AP3B1: variants seen among roughly 807,000 people sequenced by gnomAD.
AP3B1 encodes adaptor related protein complex 3 subunit beta 1.
AP3B1 carries 61 observed loss-of-function variants against 132.5 expected under a neutral mutation model. That is an observed-to-expected ratio of 0.46 (90% CI 0.37 to 0.57). The LOEUF (loss-of-function observed/expected upper bound fraction) is 0.57, where lower values mean the gene tolerates loss of function less well. Among genes scored for constraint, AP3B1 ranks in the 20% least tolerant of loss-of-function variants. The pLI is 0.00. For missense variants in AP3B1, 1,120 were observed against 1,289.4 expected (o/e 0.87, Z 2.01); for synonymous variants, 388 against 438.3 (o/e 0.89, Z 1.43).
chr5:78,282,222 A>AG (rs1447515620), intron 1 of AP3B1, among the ~76,000 whole-genome samples: 2 of 152,142 alleles, frequency 1.3e-5, no homozygotes, highest in Non-Finnish European at 2.9e-5. Flanking sequence ...ATTCCACACC[A>AG]GCAGCTGGCA....
chr5:78,226,303 A>C (rs1376051918), intron 5 of AP3B1, among the ~76,000 whole-genome samples: 1 of 152,116 alleles, frequency 6.6e-6, no homozygotes. Flanking sequence ...GGCAGTTAAC[A>C]TAGGAATATG....
intron 12 of AP3B1, among the ~76,000 whole-genome samples, chr5:78,163,737 A>G (rs1743495811): frequency 1.3e-5 from 2 of 151,440 alleles, no homozygotes; most frequent in South Asian, 4.2e-4. Flanking sequence ...AAGTTAAAAT[A>G]TCTTTATAAA....
At chr5:78,110,096 A>G in intron 20 of AP3B1, 111 bp downstream of exon 20, 1 of 988,678 alleles carries the variant, frequency 1.0e-6, no homozygotes, top group Non-Finnish European at 1.5e-6. Context: ...TTATAAGGGA[A>G]AGGCTTATCT....
intron 12 of AP3B1, 110 bp downstream of exon 12, chr5:78,165,500 C>G (rs917889424): frequency 1.3e-5 from 10 of 774,058 alleles, no homozygotes; most frequent in Non-Finnish European, 2.0e-5. Flanking sequence ...CAGTCTTGTC[C>G]CAATCACTAT....
At chr5:78,057,095 T>C (rs991048031) in intron 22 of AP3B1, among the ~76,000 whole-genome samples, 1 of 152,182 alleles carries the variant, frequency 6.6e-6, no homozygotes, top group African/African-American at 2.4e-5. Context: ...CCTTAGGAGT[T>C]TACTGAAAAA....
At chr5:78,018,079 C>T (rs958825070) in intron 25 of AP3B1, among the ~76,000 whole-genome samples, 3 of 151,774 alleles carry the variant, frequency 2.0e-5, no homozygotes, top group Non-Finnish European at 2.9e-5. Flanking sequence ...GGAGTTATCT[C>T]GGAACACGTA....
intron 15 of AP3B1, among the ~76,000 whole-genome samples, chr5:78,139,102 G>A (rs1753040136): frequency 6.8e-6 from 1 of 146,118 alleles, no homozygotes; most frequent in Non-Finnish European, 1.5e-5. Flanking sequence ...AAAAAGACAT[G>A]AAACATGCTC....
chr5:78,165,411 T>C (rs929554747), intron 12 of AP3B1, among the ~76,000 whole-genome samples, 199 bp downstream of exon 12: 5 of 152,242 alleles, frequency 3.3e-5, no homozygotes, highest in African/African-American at 4.8e-5. Context: ...TATGAAAATA[T>C]GAAAGAGAAT....
At chr5:78,085,320 T>A (rs1750192180) in intron 22 of AP3B1, among the ~76,000 whole-genome samples, 1 of 152,212 alleles carries the variant, frequency 6.6e-6, no homozygotes, top group African/African-American at 2.4e-5. Context: ...CTGAACCTTT[T>A]TCGCATATTA....
At chr5:78,031,367 G>A (rs865871280) in intron 24 of AP3B1, among the ~76,000 whole-genome samples, 2 of 152,150 alleles carry the variant, frequency 1.3e-5, no homozygotes, top group Non-Finnish European at 2.9e-5. Context: ...GCTTTACCCT[G>A]GTGGTGAGGA....
chr5:78,194,969 T>C (rs1280105922), intron 7 of AP3B1, among the ~76,000 whole-genome samples: 1 of 152,094 alleles, frequency 6.6e-6, no homozygotes, highest in East Asian at 1.9e-4. Flanking sequence ...GTTTTATTTT[T>C]CCATGTTTAA....
At chr5:78,275,837 G>A (rs1406308653) in intron 1 of AP3B1, among the ~76,000 whole-genome samples, 2 of 152,032 alleles carry the variant, frequency 1.3e-5, no homozygotes, top group African/African-American at 4.8e-5. Flanking sequence ...ATTCAATAAA[G>A]GTGTAAAAAA....
chr5:78,217,719 T>C (rs948829215), intron 6 of AP3B1, among the ~76,000 whole-genome samples: 2 of 152,044 alleles, frequency 1.3e-5, no homozygotes, highest in African/African-American at 2.4e-5. Flanking sequence ...TTGTGAGATA[T>C]AAACATCTAT....
intron 7 of AP3B1, among the ~76,000 whole-genome samples, chr5:78,207,257 C>CA (rs35228759): frequency 0.15 from 17,206 of 115,902 alleles, 1,241 homozygotes; most frequent in African/African-American, 0.17. Context: ...GACTCAGTGT[C>CA]AAAAAAAAAA....
At chr5:78,126,361 C>T (rs1388687151) in intron 17 of AP3B1, among the ~76,000 whole-genome samples, 1 of 151,648 alleles carries the variant, frequency 6.6e-6, no homozygotes, top group African/African-American at 2.4e-5. Context: ...AAAAATTAGC[C>T]AAGCATGGTG....
Position 78,039,075 on chromosome 5 carries a change from A to G in AP3B1, c.2777T>C (p.Ile926Thr), listed in dbSNP as rs770332717. 21 of 1,606,896 alleles carry G rather than the reference A, an allele frequency of 1.3e-5. No individual in the cohort carries two copies. The highest frequency in any genetic ancestry group is 1.4e-5 in the Non-Finnish European group (17 of 1,174,192). ...NIHIGEKKLP[I>T]GMKMHVFNPI... ...ATTAAAAACATGCATTTTCATGCCT[A>G]TAGGAAGTTTTTTTTCCCCTATGTG... Residue 926 changes from isoleucine (I) to threonine (T), a missense_variant, in exon 23 of 27, where the codon ATA becomes ACA. By Grantham distance (89) the Ile-to-Thr change is moderately conservative. This residue lies in a region of AP3B1 where 906 missense variants were observed against 997.1 expected (regional missense o/e 0.91). Transcript: ENST00000255194.
chr5:78,064,700 G>T (rs1229946591), intron 22 of AP3B1, among the ~76,000 whole-genome samples: 2 of 152,156 alleles, frequency 1.3e-5, no homozygotes, highest in African/African-American at 4.8e-5. Flanking sequence ...TTTTTAGAGA[G>T]AGCATTTAAG....
chr5:78,171,205 T>A (rs1743899698), intron 11 of AP3B1, among the ~76,000 whole-genome samples: 1 of 152,226 alleles, frequency 6.6e-6, no homozygotes, highest in East Asian at 1.9e-4. Flanking sequence ...TAGGATTGTC[T>A]TGGCAATGTG....
At chr5:78,038,106 C>T (rs1747879699) in intron 23 of AP3B1, among the ~76,000 whole-genome samples, 2 of 152,166 alleles carry the variant, frequency 1.3e-5, no homozygotes, top group African/African-American at 4.8e-5. Context: ...CTGGGGGCAG[C>T]CGCTGCTCAG....
Sources: gnomAD v4.1 joint callset for allele counts (sites outside exome capture counted in the v4.1 genomes callset) on GRCh38, gnomAD v4.1.1 for gene constraint, gnomAD v4.1.1 regional missense constraint, MANE v1.5 for transcripts, NCBI Gene and HGNC (gene_info 2026-07-23, HGNC 2026-07-21) for gene names.